Variants in LRRC27 observed in about 807,000 individuals in gnomAD.
LRRC27 encodes the protein leucine rich repeat containing 27, also known as leucine-rich repeat-containing protein 27.
Under a neutral mutation model 55.0 loss-of-function variants are expected in LRRC27, and 57 were observed. The observed-to-expected ratio is 1.04, with a 90% CI of 0.84 to 1.29. The LOEUF (loss-of-function observed/expected upper bound fraction) is 1.29, where lower values mean the gene tolerates loss of function less well. Ranked by LOEUF, LRRC27 falls within the 50% of genes most tolerant of loss-of-function variation. LRRC27 has a pLI of 0.00. For synonymous variants in LRRC27, 278 were observed against 251.9 expected (o/e 1.10, Z -0.98); for missense variants, 721 against 651.5 (o/e 1.11, Z -1.16).
intron 5 of LRRC27, among the ~76,000 whole-genome samples, chr10:132,346,767 T>C (rs1433173906): frequency 1.3e-5 from 2 of 152,256 alleles, no homozygotes; most frequent in African/African-American, 4.8e-5. Context: ...CTAAATCAGT[T>C]GTCCACAGGC....
In LRRC27 at chr10:132,348,386, T is replaced by C; in HGVS notation, c.926+30T>C. On this transcript the variant is annotated intron_variant, in intron 6 of 10. Coordinates refer to ENST00000368614, the MANE Select transcript of LRRC27 (RefSeq NM_030626.3). The surrounding 1 kb of genome is among the most constrained non-coding windows in gnomAD (Gnocchi z 4.2). ...AACTGAAAAGCAACGGGGGATTTTC[T>C]TGATCTTTGCGAATTTATACAGTTA... The C allele has an allele frequency of 6.3e-7, 1 of 1,591,290 alleles. No individual in the cohort carries two copies. The highest frequency in any genetic ancestry group is 8.6e-7 in the Non-Finnish European group (1 of 1,169,118).
intron 5 of LRRC27, among the ~76,000 whole-genome samples, chr10:132,346,782 T>G (rs2067719054): frequency 6.6e-6 from 1 of 152,202 alleles, no homozygotes; most frequent in South Asian, 2.1e-4. Context: ...ACAGGCAGAT[T>G]GGTCAAATAT....
intron 9 of LRRC27, among the ~76,000 whole-genome samples, chr10:132,363,001 G>T (rs1261558595): frequency 7.9e-6 from 1 of 126,100 alleles, no homozygotes; most frequent in Non-Finnish European, 1.7e-5. Flanking sequence ...CAGCTCGGGG[G>T]TCTGGGGTTC....
At chr10:132,364,472 TA>T (rs2068867790) in intron 9 of LRRC27, among the ~76,000 whole-genome samples, 2 of 62,182 alleles carry the variant, frequency 3.2e-5, no homozygotes, top group African/African-American at 8.6e-5. Flanking sequence ...CACCCACACT[TA>T]CACCCACCCA....
Position 132,375,061 on chromosome 10 carries a change from A to G in LRRC27, c.1417-5A>G, listed in dbSNP as rs1475254358. The G allele has an allele frequency of 1.2e-6, 2 of 1,608,212 alleles. No individual in the cohort carries two copies. The highest frequency in any genetic ancestry group is 1.7e-5 in the Admixed American group (1 of 59,692). ...TAACATCTCCCCCTCCTTGTCTCCC[A>G]TAAGGCCACAGAGCTACAGGATGAA... is the stretch of plus-strand genomic sequence containing the variant. On this transcript the variant is annotated splice_region_variant and splice_polypyrimidine_tract_variant and intron_variant, in intron 10 of 10. Transcript: ENST00000368614.
intron 7 of LRRC27, among the ~76,000 whole-genome samples, chr10:132,354,048 C>G (rs796519712): frequency 4.1e-4 from 63 of 152,324 alleles, no homozygotes; most frequent in African/African-American, 1.5e-3. Flanking sequence ...GTCCCACTCC[C>G]TCTTGGCCAT....
chr10:132,374,598 G>A lies in LRRC27; in HGVS notation c.1417-468G>A, dbSNP rs192929349. Among the ~76,000 whole-genome samples, 1 of 152,342 alleles carries A rather than the reference G, an allele frequency of 6.6e-6. No individual in the cohort carries two copies. Among genetic ancestry groups the A allele is most frequent in the East Asian group, 1.9e-4 (1 of 5,186 alleles). On this transcript the variant is annotated intron_variant, in intron 10 of 10. Transcript: ENST00000368614. The surrounding 1 kb of genome is among the most constrained non-coding windows in gnomAD (Gnocchi z 4.4). ...GATCCACAGCTTCTGTGTCTGTGGG[G>A]TGGGGGTGGCAATTGTGGCCCCATC...
chr10:132,355,322 G>A lies in LRRC27; in HGVS notation c.1074-468G>A, dbSNP rs1225218776. Among the ~76,000 whole-genome samples the A allele has an allele frequency of 3.9e-5, 6 of 152,182 alleles. 1 individual carries two copies. Among genetic ancestry groups the A allele is most frequent in the African/African-American group, 1.2e-4 (5 of 41,444 alleles). On this transcript the variant is annotated intron_variant, in intron 7 of 10. Transcript: ENST00000368614. ...GATCTCCTGACCTCGTGATCCGCCC[G>A]CCTTGGCCAGATGCCTGTTTTTAAA...
chr10:132,362,464 C>G (rs932223512), intron 9 of LRRC27, among the ~76,000 whole-genome samples: 7 of 152,164 alleles, frequency 4.6e-5, no homozygotes, highest in Non-Finnish European at 5.9e-5. Context: ...GGACACGCTC[C>G]ACAGTGCCTG....
chr10:132,370,673 C>T (rs1237030459), intron 10 of LRRC27, among the ~76,000 whole-genome samples: 2 of 152,222 alleles, frequency 1.3e-5, no homozygotes, highest in Admixed American at 6.5e-5. Flanking sequence ...GGCTCCGTGC[C>T]GCCTGATGGC....
chr10:132,331,797 T>C, upstream of LRRC27: 2 of 1,599,172 alleles, frequency 1.3e-6, no homozygotes, highest in Non-Finnish European at 8.5e-7. Flanking sequence ...TCGCGGTCTC[T>C]ACTTGCCCGT....
At chr10:132,350,995 C>G (rs530761361) in intron 6 of LRRC27, 1 of 153,210 alleles carries the variant, frequency 6.5e-6, no homozygotes, top group South Asian at 2.0e-4. Context: ...ACCGTGCGAC[C>G]CCACCATGTT....
At chr10:132,339,151 G>A (rs932689375) in intron 3 of LRRC27, among the ~76,000 whole-genome samples, 4 of 152,218 alleles carry the variant, frequency 2.6e-5, no homozygotes, top group Non-Finnish European at 4.4e-5. Flanking sequence ...TGGGATGCGG[G>A]TGGGTGTGGG....
chr10:132,356,763 G>A (rs1184999907), intron 8 of LRRC27, among the ~76,000 whole-genome samples: 1 of 152,280 alleles, frequency 6.6e-6, no homozygotes, highest in Non-Finnish European at 1.5e-5. Flanking sequence ...TGGGCCGTGG[G>A]CACAGGGTGG....
At chr10:132,347,720 G>T (rs926934110) in intron 5 of LRRC27, among the ~76,000 whole-genome samples, 6 of 152,132 alleles carry the variant, frequency 3.9e-5, no homozygotes, top group African/African-American at 1.2e-4. Context: ...GCCTGGTGGG[G>T]CCTGTGTGGG....
intron 9 of LRRC27, among the ~76,000 whole-genome samples, chr10:132,364,754 ACTTACACTCATG>A (rs1564854864): frequency 8.1e-5 from 8 of 98,212 alleles, no homozygotes; most frequent in African/African-American, 3.1e-4. Context: ...CCACGCCCAC[ACTTACACTCATG>A]CTTACATCTA....
intron 4 of LRRC27, among the ~76,000 whole-genome samples, chr10:132,343,948 A>G (rs1380675827): frequency 1.3e-5 from 2 of 151,456 alleles, no homozygotes; most frequent in Admixed American, 1.3e-4. Flanking sequence ...CAAAGCCTCC[A>G]AGTTCACATA....
At chr10:132,370,548 T>G (rs917753296) in intron 10 of LRRC27, among the ~76,000 whole-genome samples, 14 of 152,266 alleles carry the variant, frequency 9.2e-5, no homozygotes, top group African/African-American at 2.2e-4. Flanking sequence ...ACAGGTGGTG[T>G]TGGCTGTCCA....
chr10:132,354,710 G>A (rs78144974), intron 7 of LRRC27, among the ~76,000 whole-genome samples: 314 of 152,360 alleles, frequency 2.1e-3, no homozygotes, highest in Admixed American at 6.4e-3. Flanking sequence ...GGGCTGAGCC[G>A]CTGTGACCGC....
Sources: allele counts gnomAD v4.1 joint callset (sites outside exome capture counted in the v4.1 genomes callset), GRCh38; gene constraint gnomAD v4.1.1; non-coding constraint Gnocchi (gnomAD v3.1); transcripts MANE v1.5; gene names NCBI Gene and HGNC (gene_info 2026-07-23, HGNC 2026-07-21).